The following KLHL14 variants were observed in gnomAD, a reference collection of about 807,000 sequenced individuals.
The protein encoded by KLHL14 is kelch like family member 14.
Under a neutral mutation model 64.3 loss-of-function variants are expected in KLHL14, and 22 were observed. The ratio of observed to expected loss-of-function variants is 0.34; its 90% confidence interval spans 0.24 to 0.49. The LOEUF (loss-of-function observed/expected upper bound fraction) is 0.49, where lower values mean the gene tolerates loss of function less well. KLHL14 is among the 20% of genes least tolerant of loss of function. The probability of loss-of-function intolerance (pLI) is 0.99; values close to 1 mark genes in which losing one functional copy is unlikely to be tolerated. For missense variants in KLHL14, 661 were observed against 789.0 expected, an observed-to-expected ratio of 0.84 and a Z score of 1.94; for synonymous variants, 322 against 333.4, an observed-to-expected ratio of 0.97 and a Z score of 0.37.
rs2050253132 is a variant in KLHL14, at chr18:32,751,706, GATTAT to G, written c.948-9662_948-9658del. ...ATGGAAGTAACTTTAAGATTTGTTT[GATTAT>G]ATCATAAAGATAATACATGCTCACT... On this transcript the variant is annotated intron_variant, in intron 2 of 8. Coordinates refer to ENST00000359358, the MANE Select transcript of KLHL14 (RefSeq NM_020805.3). 2.0e-5 allele frequency among the ~76,000 whole-genome samples: 3 copies of G among 152,106 alleles called. No homozygotes were observed. The South Asian group carries it at 6.2e-4, about 32-fold the overall frequency.
chr18:32,717,354 C>T (rs527298291), intron 3 of KLHL14, among the ~76,000 whole-genome samples: 206 of 152,270 alleles, frequency 1.4e-3, no homozygotes, highest in Non-Finnish European at 2.7e-3. Context: ...ATTCACATAT[C>T]CTCATGGGAG....
rs534913378 is a variant in KLHL14, at chr18:32,675,053, T to G, written c.1747-256A>C. 1.9e-4 allele frequency among the ~76,000 whole-genome samples: 29 copies of G among 152,246 alleles called. No homozygotes were observed. The East Asian group carries it at 5.2e-3, about 27-fold the overall frequency. On this transcript the variant is annotated intron_variant, in intron 8 of 8. Coordinates refer to ENST00000359358, the MANE Select transcript of KLHL14 (RefSeq NM_020805.3). ...AAATAAATACCTAGAGGATCCTAGA[T>G]GCTCAACAAATCCTAAATTGGCTGG...
At chr18:32,712,562 G>T (rs907451432) in intron 3 of KLHL14, among the ~76,000 whole-genome samples, 11 of 152,054 alleles carry the variant, frequency 7.2e-5, no homozygotes, top group East Asian at 3.9e-4. Context: ...CTCTTTATGA[G>T]ATCTCTCCTA....
Position 32,683,342 on chromosome 18 carries a change from T to C in KLHL14, c.1239-2743A>G, listed in dbSNP as rs968911386. Among the ~76,000 whole-genome samples the C allele has an allele frequency of 3.9e-5, 6 of 152,096 alleles. No individual in the cohort carries two copies. The highest frequency in any genetic ancestry group is 8.8e-5 in the Non-Finnish European group (6 of 68,012). ...TAGGTAGAAATTCCAATAGTAAAGA[T>C]TCTGAGTCTTTGACTTATTCCCTTG... is the stretch of plus-strand genomic sequence containing the variant. On this transcript the variant is annotated intron_variant, in intron 5 of 8. Coordinates refer to ENST00000359358, the MANE Select transcript of KLHL14 (RefSeq NM_020805.3). The surrounding 1 kb of genome is among the most constrained non-coding windows in gnomAD (Gnocchi z 4.2).
Position 32,680,605 on chromosome 18 carries a change from A to G in KLHL14, c.1239-6T>C, listed in dbSNP as rs1451619139. 5.6e-6 allele frequency: 9 copies of G among 1,599,394 alleles called. No homozygotes were observed. Among genetic ancestry groups the G allele is most frequent in the Admixed American group, 5.2e-5 (3 of 57,484 alleles). ...ATGCATAGAAACTGGCTCTTCTACA[A>G]TGAAAAGAACCCACAGTAAATCACA... On this transcript the variant is annotated splice_polypyrimidine_tract_variant and splice_region_variant and intron_variant, in intron 5 of 8. Transcript: ENST00000359358. This position sits in a 1 kb window ranked among gnomAD's most constrained non-coding sequence, Gnocchi z 4.8.
intron 2 of KLHL14, among the ~76,000 whole-genome samples, chr18:32,759,525 G>C (rs938572680): frequency 6.6e-6 from 1 of 152,124 alleles, no homozygotes; most frequent in Non-Finnish European, 1.5e-5. Flanking sequence ...CTAATGAAGT[G>C]GGTATTATGA....
chr18:32,761,686 T>C (rs980089791), intron 2 of KLHL14, among the ~76,000 whole-genome samples: 1 of 152,202 alleles, frequency 6.6e-6, no homozygotes, highest in African/African-American at 2.4e-5. Context: ...TGTGTTACTA[T>C]TTACTCTTTC....
In KLHL14 at chr18:32,772,838, A is replaced by G; in HGVS notation, c.-215T>C. ...TTTTGTCGTACATCATTTGATCACC[A>G]TGAATTAGCAACAGCAAGAAAATGT... On this transcript the variant is annotated 5_prime_UTR_variant, in exon 1 of 9. It removes an upstream start codon present in the reference 5' UTR. Transcript: ENST00000359358. The G allele has an allele frequency of 6.5e-6, 1 of 154,432 alleles. No homozygotes were observed. 9.6% of individuals were successfully genotyped at this position (154,432 alleles called of 1,614,324 possible).
At chr18:32,762,609 C>G (rs2050320363) in intron 2 of KLHL14, among the ~76,000 whole-genome samples, 1 of 152,010 alleles carries the variant, frequency 6.6e-6, no homozygotes, top group African/African-American at 2.4e-5. Flanking sequence ...AAGAGATAAA[C>G]CTCTCTGCTA....
intron 8 of KLHL14, among the ~76,000 whole-genome samples, chr18:32,676,494 G>A (rs2049811917): frequency 6.6e-6 from 1 of 152,106 alleles, no homozygotes; most frequent in Non-Finnish European, 1.5e-5. Flanking sequence ...GGATATAAAG[G>A]AATTATTGTT....
intron 2 of KLHL14, among the ~76,000 whole-genome samples, chr18:32,755,048 C>G (rs1033583514): frequency 1.3e-5 from 2 of 151,834 alleles, no homozygotes; most frequent in Non-Finnish European, 2.9e-5. Flanking sequence ...TTAGGGACAC[C>G]CTGCTGCTGT....
chr18:32,748,179 A>G (rs1377924701), intron 2 of KLHL14, among the ~76,000 whole-genome samples: 1 of 152,092 alleles, frequency 6.6e-6, no homozygotes, highest in Non-Finnish European at 1.5e-5. Flanking sequence ...GTTCTAAGTG[A>G]ACGTAGGCTG....
At chr18:32,753,092 G>T (rs1452602824) in intron 2 of KLHL14, among the ~76,000 whole-genome samples, 1 of 151,752 alleles carries the variant, frequency 6.6e-6, no homozygotes, top group Non-Finnish European at 1.5e-5. Flanking sequence ...TGGGCTTCAT[G>T]GGTTAATTAT....
chr18:32,680,156 A>C lies in KLHL14; in HGVS notation c.1588+13T>G. The C allele has an allele frequency of 6.2e-7, 1 of 1,611,740 alleles. No individual in the cohort carries two copies. The highest frequency in any genetic ancestry group is 8.5e-7 in the Non-Finnish European group (1 of 1,178,560). ...GTTATTGTGACTAAAAAACAAAACAACAAAAAAAAGACCTTTCAAATGATT... is the reference window on the plus strand; with the variant it reads ...GTTATTGTGACTAAAAAACAAAACACCAAAAAAAAGACCTTTCAAATGATT... On this transcript the variant is annotated intron_variant, in intron 7 of 8. Transcript: ENST00000359358. This position sits in a 1 kb window ranked among gnomAD's most constrained non-coding sequence, Gnocchi z 4.8.
At chr18:32,718,364 T>C (rs1480255927) in intron 3 of KLHL14, among the ~76,000 whole-genome samples, 1 of 152,200 alleles carries the variant, frequency 6.6e-6, no homozygotes, top group Non-Finnish European at 1.5e-5. Flanking sequence ...CTCTTTCTCC[T>C]GGCACAATAA....
At chr18:32,735,309 C>T (rs899164678) in intron 3 of KLHL14, among the ~76,000 whole-genome samples, 6 of 152,078 alleles carry the variant, frequency 3.9e-5, no homozygotes, top group Non-Finnish European at 8.8e-5. Flanking sequence ...CTATTCCTTA[C>T]CCTGCCATTA....
At position 32,680,761 on chromosome 18, in the gene KLHL14, A is replaced by G. The variant is rs2049834793; in HGVS notation, c.1239-162T>C. Reference sequence around the variant, plus strand: ...TACACGTATACCTTATAATTCTGAGACCTTCTACAGTAATCATATGTATTG... The same window carrying G: ...TACACGTATACCTTATAATTCTGAGGCCTTCTACAGTAATCATATGTATTG... On this transcript the variant is annotated intron_variant, in intron 5 of 8. Transcript: ENST00000359358. The surrounding 1 kb of genome is among the most constrained non-coding windows in gnomAD (Gnocchi z 4.8). 6.6e-6 allele frequency among the ~76,000 whole-genome samples: 1 copy of G among 152,160 alleles called. No homozygotes were observed. The highest frequency in any genetic ancestry group is 1.5e-5 in the Non-Finnish European group (1 of 68,032).
intron 3 of KLHL14, among the ~76,000 whole-genome samples, chr18:32,709,497 G>T (rs77472090): frequency 3.3e-5 from 5 of 151,592 alleles, no homozygotes; most frequent in Non-Finnish European, 7.4e-5. Context: ...ACCCAAGCTA[G>T]AGTGCAGTGA....
At chr18:32,751,132 A>G (rs2050249048) in intron 2 of KLHL14, among the ~76,000 whole-genome samples, 1 of 152,160 alleles carries the variant, frequency 6.6e-6, no homozygotes. Flanking sequence ...CTCTACTCCA[A>G]GTAATTGGCC....
Sources: allele counts gnomAD v4.1 joint callset (sites outside exome capture counted in the v4.1 genomes callset), GRCh38; gene constraint gnomAD v4.1.1; non-coding constraint Gnocchi (gnomAD v3.1); transcripts MANE v1.5; gene names NCBI Gene and HGNC (gene_info 2026-07-23, HGNC 2026-07-21).